IFT122: variants seen among roughly 807,000 people sequenced by gnomAD.
IFT122 encodes the protein intraflagellar transport 122.
IFT122 carries 118 observed loss-of-function variants against 161.6 expected under a neutral mutation model. The observed-to-expected ratio is 0.73, with a 90% CI of 0.63 to 0.85. The LOEUF (loss-of-function observed/expected upper bound fraction) is 0.85, where lower values mean the gene tolerates loss of function less well. Among genes scored for constraint, IFT122 ranks in the 40% least tolerant of loss-of-function variants. IFT122 has a pLI of 0.00. For missense variants in IFT122, 1,381 were observed against 1,579.6 expected (o/e 0.87, Z 2.13); for synonymous variants, 550 against 602.4 (o/e 0.91, Z 1.27).
At chr3:129,494,983 T>C (rs561887793) in intron 17 of IFT122, among the ~76,000 whole-genome samples, 15 of 152,304 alleles carry the variant, frequency 9.8e-5, no homozygotes, top group African/African-American at 2.6e-4. Flanking sequence ...GAAGTAGGGA[T>C]ATCGTAAGAC....
rs2084354766 is a variant in IFT122, at chr3:129,518,833, T to G, written c.3392-274T>G. Reference sequence around the variant, plus strand: ...AGGATCCCTGGGCCCATCCCCTCCGTGCCTACCCGCAGTGGCTCACAGGGC... The same window carrying G: ...AGGATCCCTGGGCCCATCCCCTCCGGGCCTACCCGCAGTGGCTCACAGGGC... On this transcript the variant is annotated intron_variant, in intron 27 of 29. Transcript: ENST00000348417. 2.0e-5 allele frequency among the ~76,000 whole-genome samples: 3 copies of G among 152,200 alleles called. No homozygotes were observed. The South Asian group carries it at 6.2e-4, about 31-fold the overall frequency.
At position 129,515,167 on chromosome 3, in the gene IFT122, C is replaced by G. The variant is rs1029634409; in HGVS notation, c.3154-321C>G. 43 of 494,948 alleles carry G rather than the reference C, an allele frequency of 8.7e-5. No homozygotes were observed. The Admixed American group carries it at 1.3e-3, about 15-fold the overall frequency. 30.7% of individuals were successfully genotyped at this position (494,948 alleles called of 1,614,324 possible). ...GCCAGTATAGTCCACGTGCTCCGCACGGTGCCCGGAGCATGGTAAATGGCT... is the reference window on the plus strand; with the variant it reads ...GCCAGTATAGTCCACGTGCTCCGCAGGGTGCCCGGAGCATGGTAAATGGCT... On this transcript the variant is annotated intron_variant, in intron 25 of 29. Coordinates refer to ENST00000348417, the MANE Select transcript of IFT122 (RefSeq NM_052989.3).
rs767609724 is a variant in IFT122 at position 129,469,332 on chromosome 3, T to A, written c.741-10T>A. 1.9e-6 allele frequency: 3 copies of A among 1,611,666 alleles called. No individual in the cohort carries two copies. Among genetic ancestry groups the A allele is most frequent in the Non-Finnish European group, 2.5e-6 (3 of 1,177,920 alleles). On this transcript the variant is annotated splice_polypyrimidine_tract_variant and intron_variant, in intron 8 of 29. Coordinates refer to ENST00000348417, the MANE Select transcript of IFT122 (RefSeq NM_052989.3). ...GCCCTTCATAACCTCTTTTATCTTC[T>A]GTTGATTAGAGAGGAACGTAATGAC...
chr3:129,469,704 G>A lies in IFT122; in HGVS notation c.816+287G>A, dbSNP rs377532425. Among the ~76,000 whole-genome samples the A allele has an allele frequency of 7.9e-5, 12 of 152,322 alleles. No homozygotes were observed. The East Asian group carries it at 2.1e-3, about 27-fold the overall frequency. On this transcript the variant is annotated intron_variant, in intron 9 of 29. Transcript: ENST00000348417. ...AGATCTCACACAGCTAGTAAATGGT[G>A]GAGCCTAGGAGTTAAACCCAGGTTG...
chr3:129,476,743 T>C lies in IFT122; in HGVS notation c.1089T>C (p.Tyr363=). Residue 363 remains tyrosine, a synonymous_variant, in exon 11 of 30, where the codon TAT becomes TAC. Transcript: ENST00000348417. The part of the protein sequence containing the change: ...STVHGLYKDR[Y]AYRDSMTDVI... ...TCCATGGGCTTTACAAGGACCGCTA[T>C]GCCTACAGGGATAGCATGACTGACG... 1.2e-6 allele frequency: 2 copies of C among 1,614,204 alleles called. No individual in the cohort carries two copies. The highest frequency in any genetic ancestry group is 1.7e-6 in the Non-Finnish European group (2 of 1,180,040).
chr3:129,513,374 C>T (rs974422809), intron 24 of IFT122: 1 of 152,294 alleles, frequency 6.6e-6, no homozygotes, highest in Non-Finnish European at 1.5e-5. Flanking sequence ...CTGGAGAAGA[C>T]CCAGAGCTCC....
chr3:129,474,606 T>C (rs1345209499), intron 9 of IFT122, among the ~76,000 whole-genome samples: 1 of 152,012 alleles, frequency 6.6e-6, no homozygotes, highest in East Asian at 1.9e-4. Context: ...AGAGCATTCC[T>C]GGCTGGGTCT....
chr3:129,443,978 A>G (rs970100774), intron 1 of IFT122, among the ~76,000 whole-genome samples: 1 of 152,242 alleles, frequency 6.6e-6, no homozygotes, highest in Non-Finnish European at 1.5e-5. Flanking sequence ...TCATATGTGT[A>G]CAAGGCAGAA....
intron 1 of IFT122, among the ~76,000 whole-genome samples, chr3:129,441,418 C>A (rs897674107): frequency 1.3e-5 from 2 of 152,092 alleles, no homozygotes; most frequent in Admixed American, 1.3e-4. Flanking sequence ...CTAAGCACTT[C>A]ATATCCTTTA....
At chr3:129,486,048 C>T (rs1317507722) in intron 15 of IFT122, among the ~76,000 whole-genome samples, 1 of 152,228 alleles carries the variant, frequency 6.6e-6, no homozygotes, top group Non-Finnish European at 1.5e-5. Flanking sequence ...CTTCTCAAGG[C>T]GGTGGTGACT....
intron 6 of IFT122, 112 bp downstream of exon 6, chr3:129,463,738 G>A: frequency 1.2e-6 from 1 of 839,102 alleles, no homozygotes; most frequent in Non-Finnish European, 2.0e-6. Flanking sequence ...GTTGGTTTAG[G>A]CCCCTGTATT....
chr3:129,454,343 T>C (rs1023388208), intron 3 of IFT122, among the ~76,000 whole-genome samples: 1 of 149,462 alleles, frequency 6.7e-6, no homozygotes, highest in Non-Finnish European at 1.5e-5. Context: ...CTGGGCAACA[T>C]AGTGAGACTC....
rs761051369 is a variant in IFT122 at position 129,466,928 on chromosome 3, A to G, written c.602A>G (p.Asp201Gly). The G allele has an allele frequency of 4.3e-6, 7 of 1,614,096 alleles. No homozygotes were observed. The African/African-American group carries it at 9.3e-5, about 22-fold the overall frequency. Residue 201 changes from aspartate (D) to glycine (G), a missense_variant, in exon 8 of 30, where the codon GAT becomes GGT. By Grantham distance (94) the Asp-to-Gly change is moderately conservative. Around this residue, in one of 7 missense-constraint regions of IFT122, gnomAD observed 544 missense variants for 648.0 expected, o/e 0.84. Coordinates refer to ENST00000348417, the MANE Select transcript of IFT122 (RefSeq NM_052989.3). ...TTCTGGATGAACAGAGAGAATGAGG[A>G]TGCCGAGGATGTCATTGTCAACAGA... ...ESFWMNRENE[D>G]AEDVIVNRYI...
At chr3:129,490,324 C>T (rs1211584356) in intron 16 of IFT122, among the ~76,000 whole-genome samples, 3 of 152,206 alleles carry the variant, frequency 2.0e-5, no homozygotes, top group Non-Finnish European at 2.9e-5. Context: ...CACTCAGGCT[C>T]ACCAGCTTGG....
In IFT122 at chr3:129,519,572, G is replaced by A. The variant is rs780007247; in HGVS notation, c.3476G>A (p.Gly1159Asp). Reference sequence around the variant, plus strand: ...TCCTTCCCGCCCACCCTGCAGCAAGGTGGCTCAGAGTTCGTGCCAGTGGTG... The same window carrying A: ...TCCTTCCCGCCCACCCTGCAGCAAGATGGCTCAGAGTTCGTGCCAGTGGTG... ...PFTAKLSFEQ[G>D]GSEFVPVVVS... Residue 1159 changes from glycine (G) to aspartate (D), a missense_variant, in exon 29 of 30, where the codon GGT (glycine) becomes GAT (aspartate). Gly to Asp is a moderately conservative substitution (Grantham distance 94). Coordinates refer to ENST00000348417, the MANE Select transcript of IFT122 (RefSeq NM_052989.3). 1 of 1,613,408 alleles carries A rather than the reference G, an allele frequency of 6.2e-7. No individual in the cohort carries two copies. The highest frequency in any genetic ancestry group is 8.5e-7 in the Non-Finnish European group (1 of 1,180,022).
At chr3:129,451,561 T>G (rs868334082) in intron 2 of IFT122, among the ~76,000 whole-genome samples, 2 of 152,364 alleles carry the variant, frequency 1.3e-5, no homozygotes, top group South Asian at 4.1e-4. Context: ...ATGTTGTAGC[T>G]GGCTCTTTTT....
At chr3:129,491,012 A>G (rs2080017068) in intron 16 of IFT122, among the ~76,000 whole-genome samples, 1 of 152,194 alleles carries the variant, frequency 6.6e-6, no homozygotes, top group Non-Finnish European at 1.5e-5. Flanking sequence ...GGGAGGTGTC[A>G]TGATCTGTTT....
At chr3:129,514,743 G>T (rs2083271069) in intron 25 of IFT122, 189 bp downstream of exon 25, 2 of 720,442 alleles carry the variant, frequency 2.8e-6, no homozygotes, top group East Asian at 5.4e-5. Flanking sequence ...TCTCCCCGCA[G>T]TCCACCTGGC....
At chr3:129,480,826 C>CA (rs1378497603) in intron 13 of IFT122, among the ~76,000 whole-genome samples, 1 of 151,884 alleles carries the variant, frequency 6.6e-6, no homozygotes, top group Admixed American at 6.6e-5. Context: ...ATAGGGCTGT[C>CA]AAAAACAGAT....
Sources: allele counts gnomAD v4.1 joint callset (sites outside exome capture counted in the v4.1 genomes callset), GRCh38; gene constraint gnomAD v4.1.1; regional missense constraint gnomAD v4.1.1; transcripts MANE v1.5; gene names NCBI Gene and HGNC (gene_info 2026-07-23, HGNC 2026-07-21).